Variants in ZZEF1 observed in about 807,000 individuals in gnomAD.
ZZEF1 encodes zinc finger ZZ-type and EF-hand domain containing 1, also known as zinc finger ZZ-type and EF-hand domain-containing protein 1.
A neutral mutation model predicts 342.8 loss-of-function variants in ZZEF1; 157 were observed. That is an observed-to-expected ratio of 0.46 (90% CI 0.40 to 0.52). The LOEUF is 0.52. Ranked by LOEUF, ZZEF1 falls within the 20% of genes least tolerant of loss-of-function variation. The pLI is 0.00. For synonymous variants in ZZEF1, 1,505 were observed against 1,429.1 expected, an observed-to-expected ratio of 1.05 and a Z score of -1.20; for missense variants, 3,480 against 3,725.6, an observed-to-expected ratio of 0.93 and a Z score of 1.72.
intron 1 of ZZEF1, among the ~76,000 whole-genome samples, chr17:4,134,619 T>C (rs1432432045): frequency 6.6e-6 from 1 of 152,078 alleles, no homozygotes; most frequent in East Asian, 1.9e-4. Context: ...AACTTATATT[T>C]TCCACAACAA....
At chr17:4,076,214 C>T (rs544694692) in intron 21 of ZZEF1, 2 of 145,942 alleles carry the variant, frequency 1.4e-5, no homozygotes, top group South Asian at 4.4e-4. Flanking sequence ...TCACTGCAAG[C>T]TCCGCCTCCC....
At chr17:4,023,247 T>C (rs1398961650) in intron 43 of ZZEF1, among the ~76,000 whole-genome samples, 7 of 152,154 alleles carry the variant, frequency 4.6e-5, no homozygotes. Context: ...CAAATTTTAC[T>C]AGAGAAAAAG....
At chr17:4,045,281 G>A (rs2056889967) in intron 37 of ZZEF1, among the ~76,000 whole-genome samples, 1 of 152,164 alleles carries the variant, frequency 6.6e-6, no homozygotes, top group South Asian at 2.1e-4. Flanking sequence ...TCAGCTTTCA[G>A]AAACCAAGCA....
chr17:4,111,341 T>C (rs906563448), intron 5 of ZZEF1, among the ~76,000 whole-genome samples: 3 of 152,110 alleles, frequency 2.0e-5, no homozygotes, highest in Admixed American at 1.3e-4. Context: ...TTTTTCTAAT[T>C]TTCCAATATG....
Position 4,088,781 on chromosome 17 carries a change from C to T in ZZEF1, c.2138G>A (p.Ser713Asn), listed in dbSNP as rs376856497. ...CTTTCTGCAGTGTGCACAGGTGACG[C>T]TCTGTTCTGCTTCTGCTCTTGCAGG... ...LRPARAEAEQ[S>N]VTCAHCRKDT... The change falls in exon 13 of 55, where the codon AGC becomes AAC. Residue 713 changes from serine (S) to asparagine (N), a missense_variant. By Grantham distance (46) the Ser-to-Asn change is conservative (BLOSUM62 1). Transcript: ENST00000381638. 7.7e-5 allele frequency: 124 copies of T among 1,614,222 alleles called. 1 individual carries two copies. In the South Asian group the frequency reaches 1.3e-3, roughly 17 times the overall value.
intron 9 of ZZEF1, among the ~76,000 whole-genome samples, chr17:4,100,066 G>A (rs996106039): frequency 3.9e-5 from 6 of 152,180 alleles, no homozygotes; most frequent in African/African-American, 1.2e-4. Flanking sequence ...AAGTATCAGC[G>A]TTTGAGTTCT....
chr17:4,039,243 A>G (rs2056744036), intron 39 of ZZEF1, among the ~76,000 whole-genome samples: 1 of 152,068 alleles, frequency 6.6e-6, no homozygotes. Context: ...TGAGGTGGGC[A>G]GACTGCTTGA....
At chr17:4,019,642 C>G in intron 46 of ZZEF1, 27 bp downstream of exon 46, 1 of 1,598,764 alleles carries the variant, frequency 6.3e-7, no homozygotes, top group Non-Finnish European at 8.6e-7. Context: ...CCTGGCCACA[C>G]TTCAGCTGCA....
chr17:4,111,434 C>T (rs557568584), intron 5 of ZZEF1, among the ~76,000 whole-genome samples: 3 of 151,898 alleles, frequency 2.0e-5, no homozygotes, highest in South Asian at 2.1e-4. Context: ...CCGAGGCGGG[C>T]GGATCATGAG....
chr17:4,134,164 C>T (rs2058711679), intron 1 of ZZEF1, among the ~76,000 whole-genome samples: 1 of 151,644 alleles, frequency 6.6e-6, no homozygotes. Flanking sequence ...TTTCCTAACA[C>T]TCAAAAACTG....
chr17:4,024,809 C>G lies in ZZEF1; in HGVS notation c.7092+110G>C, dbSNP rs548673293. 1.5e-4 allele frequency: 166 copies of G among 1,079,276 alleles called. 1 individual carries two copies. Among genetic ancestry groups the G allele is most frequent in the Non-Finnish European group, 6.5e-5 (46 of 703,418 alleles). 66.9% of individuals were successfully genotyped at this position (1,079,276 alleles called of 1,614,324 possible). A position where few individuals can be genotyped will look rare whatever the true frequency, so the allele number is the denominator to read the frequency against. On this transcript the variant is annotated intron_variant, in intron 43 of 54. Coordinates refer to ENST00000381638, the MANE Select transcript of ZZEF1 (RefSeq NM_015113.4). ...ACGCGTTTCTAAAAATAATCAAGAT[C>G]CTATGGTTTACCATCCATCGAAATC...
Position 4,066,470 on chromosome 17 carries a change from G to C in ZZEF1, c.4226C>G (p.Thr1409Ser). 1.2e-6 allele frequency: 2 copies of C among 1,614,112 alleles called. No homozygotes were observed. Among genetic ancestry groups the C allele is most frequent in the Non-Finnish European group, 1.7e-6 (2 of 1,180,012 alleles). ...EAEEKHSSEA[T>S]EVNPESLAKE... ...ACCCAGGCTCTCAGGGTTCACCTCA[G>C]TAGCTTCTGAACTATGTTTTTCTTC... Residue 1409 changes from threonine (T) to serine (S), a missense_variant, in exon 28 of 55, where the codon ACT becomes AGT. Transcript: ENST00000381638.
In ZZEF1 at chr17:4,064,699, C is replaced by T; in HGVS notation, c.4380G>A (p.Gln1460=). The T allele has an allele frequency of 3.7e-6, 6 of 1,614,218 alleles. No individual in the cohort carries two copies. The highest frequency in any genetic ancestry group is 5.1e-6 in the Non-Finnish European group (6 of 1,180,046). Residue 1460 remains glutamine (Q), a synonymous_variant, in exon 29 of 55, where the codon CAG becomes CAA. Transcript: ENST00000381638. Reference sequence around the variant, plus strand: ...GCTCTTCCACCACAGAGCTTGTCCTCTGACGCTTGTTGAGTGGCTGGAGAT... The same window carrying T: ...GCTCTTCCACCACAGAGCTTGTCCTTTGACGCTTGTTGAGTGGCTGGAGAT... The part of the protein sequence containing the change: ...TSHLQPLNKR[Q]RTSSVVEEHF...
At chr17:4,111,290 A>G (rs2058293817) in intron 5 of ZZEF1, among the ~76,000 whole-genome samples, 1 of 152,192 alleles carries the variant, frequency 6.6e-6, no homozygotes, top group Non-Finnish European at 1.5e-5. Context: ...CAATCATAGT[A>G]ACAATCCCTG....
chr17:4,035,201 C>T (rs1462029793), intron 39 of ZZEF1, among the ~76,000 whole-genome samples: 1 of 152,072 alleles, frequency 6.6e-6, no homozygotes, highest in East Asian at 1.9e-4. Context: ...ATACTTATAC[C>T]ATTTGTTATT....
chr17:4,072,732 G>A lies in ZZEF1; in HGVS notation c.3710C>T (p.Pro1237Leu). 1.2e-6 allele frequency: 2 copies of A among 1,613,004 alleles called. No individual in the cohort carries two copies. Among genetic ancestry groups the A allele is most frequent in the Non-Finnish European group, 1.7e-6 (2 of 1,179,406 alleles). The change falls in exon 25 of 55, where the codon CCT becomes CTT. Residue 1237 changes from proline to leucine, a missense_variant. By Grantham distance (98) the Pro-to-Leu change is moderately conservative (BLOSUM62 -3). Coordinates refer to ENST00000381638, the MANE Select transcript of ZZEF1 (RefSeq NM_015113.4). ...TAGGACTAATGCCATTTTTGCCTGA[G>A]GTACTACCATGTTACTTCCTAACTC... ...VRQLGSNMVV[P>L]QAKMALVLSS...
intron 1 of ZZEF1, among the ~76,000 whole-genome samples, chr17:4,132,359 T>A (rs2058673919): frequency 6.6e-6 from 1 of 152,104 alleles, no homozygotes; most frequent in African/African-American, 2.4e-5. Context: ...AATTTTTGTA[T>A]TTTTCCTAGA....
intron 37 of ZZEF1, among the ~76,000 whole-genome samples, chr17:4,047,922 C>T (rs1030027929): frequency 4.0e-5 from 6 of 151,808 alleles, no homozygotes; most frequent in African/African-American, 1.2e-4. Context: ...GCCTGGGCAA[C>T]AGAGTGAGAC....
intron 9 of ZZEF1, among the ~76,000 whole-genome samples, chr17:4,097,892 C>G (rs553763638): frequency 6.5e-5 from 9 of 137,738 alleles, no homozygotes; most frequent in Non-Finnish European, 1.4e-4. Flanking sequence ...GCCTCAAAAC[C>G]AGCCTGGGCA....
Sources: gnomAD v4.1 joint callset for allele counts (sites outside exome capture counted in the v4.1 genomes callset) on GRCh38, gnomAD v4.1.1 for gene constraint, MANE v1.5 for transcripts, NCBI Gene and HGNC (gene_info 2026-07-23, HGNC 2026-07-21) for gene names.